The following ASPH variants were observed in gnomAD, a reference collection of about 807,000 sequenced individuals.
ASPH encodes the protein aspartyl/asparaginyl beta-hydroxylase.
ASPH carries 100 observed loss-of-function variants against 118.4 expected under a neutral mutation model. The observed-to-expected ratio is 0.84, with a 90% CI of 0.72 to 1.00. The LOEUF (loss-of-function observed/expected upper bound fraction) is 1.00. Ranked by LOEUF, ASPH falls within the 50% of genes least tolerant of loss-of-function variation. The probability of loss-of-function intolerance (pLI) is 0.00; values close to 1 mark genes in which losing one functional copy is unlikely to be tolerated. For synonymous variants in ASPH, 315 were observed against 325.6 expected (o/e 0.97, Z 0.35); for missense variants, 920 against 919.5 (o/e 1.00, Z -0.01).
At chr8:61,620,810 G>A (rs1850647327) in intron 13 of ASPH, among the ~76,000 whole-genome samples, 1 of 152,224 alleles carries the variant, frequency 6.6e-6, no homozygotes, top group African/African-American at 2.4e-5. Flanking sequence ...AGCGTAAAAT[G>A]CAAGTTTCTA....
chr8:61,692,576 T>C (rs1024696656), intron 1 of ASPH, among the ~76,000 whole-genome samples: 4 of 152,146 alleles, frequency 2.6e-5, no homozygotes, highest in African/African-American at 9.7e-5. Context: ...TCGAGGGTTC[T>C]ACCTCCCTCC....
intron 3 of ASPH, chr8:61,668,207 A>T: frequency 6.3e-7 from 1 of 1,584,722 alleles, no homozygotes; most frequent in Non-Finnish European, 8.6e-7. Context: ...TGATTCACTC[A>T]AGGCTAATTT....
intron 1 of ASPH, chr8:61,689,857 T>G (rs1167912091): frequency 2.9e-6 from 4 of 1,376,432 alleles, no homozygotes; most frequent in African/African-American, 1.5e-5. Context: ...AAATTGGACC[T>G]GACTACAAAC....
intron 17 of ASPH, 48 bp downstream of exon 17, chr8:61,567,120 A>AT: frequency 6.3e-7 from 1 of 1,595,118 alleles, no homozygotes. Flanking sequence ...CTTCTTCAAG[A>AT]TAAAACATAT....
rs1806828149 is a variant in ASPH at position 61,644,452 on chromosome 8, T to A, written c.652+148A>T. On this transcript the variant is annotated intron_variant, in intron 7 of 24. Transcript: ENST00000379454. Reference sequence around the variant, plus strand: ...AAAGTATATTCACAAAGAAATACCATAAATATAAGACGTAATAAAATTATT... The same window carrying A: ...AAAGTATATTCACAAAGAAATACCAAAAATATAAGACGTAATAAAATTATT... 5.0e-6 allele frequency: 3 copies of A among 599,062 alleles called. No homozygotes were observed. In the South Asian group the frequency reaches 1.7e-4, roughly 33 times the overall value. 37.1% of individuals were successfully genotyped at this position (599,062 alleles called of 1,614,324 possible). A position where few individuals can be genotyped will look rare whatever the true frequency, so the allele number is the denominator to read the frequency against.
intron 24 of ASPH, among the ~76,000 whole-genome samples, chr8:61,510,828 G>A (rs1472206489): frequency 1.3e-5 from 2 of 152,160 alleles, no homozygotes; most frequent in African/African-American, 4.8e-5. Flanking sequence ...GTCCTAGATG[G>A]GCAGGCTTCA....
At chr8:61,590,550 CTGTGTGTGTGTG>C (rs5891814) in intron 14 of ASPH, among the ~76,000 whole-genome samples, 3 of 146,696 alleles carry the variant, frequency 2.0e-5, no homozygotes, top group Non-Finnish European at 4.5e-5. Context: ...TAATTTAACT[CTGTGTGTGTGTG>C]TGTGTGTGTG....
At chr8:61,540,654 T>G (rs1365214155) in intron 21 of ASPH, among the ~76,000 whole-genome samples, 1 of 152,222 alleles carries the variant, frequency 6.6e-6, no homozygotes, top group African/African-American at 2.4e-5. Context: ...TTCAGTTTAA[T>G]GCTAACATAA....
rs1804788409 is a variant in ASPH, at chr8:61,500,972, T to G, written c.*2387A>C. On this transcript the variant is annotated 3_prime_UTR_variant, in exon 25 of 25. Coordinates refer to ENST00000379454, the MANE Select transcript of ASPH (RefSeq NM_004318.4). ...TCTCTTTCTCAATGGATCTAATGTT[T>G]TAATTTTTTCCCCTATTGGTAGAGA... 1 of 152,218 alleles carries G rather than the reference T, an allele frequency of 6.6e-6. No individual in the cohort carries two copies. The highest frequency in any genetic ancestry group is 1.5e-5 in the Non-Finnish European group (1 of 68,036). The allele number at this position is 152,218 out of a possible 1,614,324, so 9.4% of individuals were successfully genotyped here.
chr8:61,531,221 T>C (rs1303227050), intron 21 of ASPH, among the ~76,000 whole-genome samples: 1 of 152,240 alleles, frequency 6.6e-6, no homozygotes, highest in Non-Finnish European at 1.5e-5. Context: ...ACATTATAAA[T>C]TGATTACTTT....
In ASPH at chr8:61,525,972, C is replaced by G. The variant is rs370641928; in HGVS notation, c.1900+5G>C. On this transcript the variant is annotated splice_donor_5th_base_variant and intron_variant, in intron 22 of 24. Transcript: ENST00000379454. ...CAGAGAACCATCTAGAAGTCAGAAA[C>G]TCACCTTGCTGCCACAGCGTGAACT... is the stretch of plus-strand genomic sequence containing the variant. 1.5e-4 allele frequency: 240 copies of G among 1,613,546 alleles called. No individual in the cohort carries two copies. The highest frequency in any genetic ancestry group is 1.9e-4 in the Non-Finnish European group (223 of 1,179,866).
rs189810797 is a variant in ASPH at position 61,578,431 on chromosome 8, G to T, written c.1063-1573C>A. 2.2e-4 allele frequency: 347 copies of T among 1,602,284 alleles called. No individual in the cohort carries two copies. In the African/African-American group the frequency reaches 4.2e-3, roughly 19 times the overall value. On this transcript the variant is annotated intron_variant, in intron 15 of 24. Transcript: ENST00000379454. ...ATCACCGCAGTCATGGTCAACCAGA[G>T]CCTACTGAGCCCCCTTGTCCTGGAG...
chr8:61,638,699 C>T (rs549099144), intron 10 of ASPH, among the ~76,000 whole-genome samples: 1 of 152,334 alleles, frequency 6.6e-6, no homozygotes, highest in African/African-American at 2.4e-5. Flanking sequence ...AGATTCCCTG[C>T]TTTGTTTAGG....
chr8:61,608,170 T>C (rs1846159421), intron 14 of ASPH, among the ~76,000 whole-genome samples: 1 of 152,196 alleles, frequency 6.6e-6, no homozygotes, highest in South Asian at 2.1e-4. Flanking sequence ...TTGATAAAAA[T>C]CTTGTTCTTT....
At chr8:61,608,232 T>C (rs556382827) in intron 14 of ASPH, among the ~76,000 whole-genome samples, 2 of 152,348 alleles carry the variant, frequency 1.3e-5, no homozygotes, top group African/African-American at 4.8e-5. Flanking sequence ...TTGTTAAAAG[T>C]AGTCTTTTAG....
chr8:61,526,009 C>G lies in ASPH; in HGVS notation c.1868G>C (p.Gly623Ala), dbSNP rs527807260. 1.9e-6 allele frequency: 3 copies of G among 1,613,970 alleles called. No homozygotes were observed. Among genetic ancestry groups the G allele is most frequent in the South Asian group, 2.2e-5 (2 of 91,074 alleles). Residue 623 changes from glycine to alanine, a missense_variant, in exon 22 of 25, where the codon GGG (glycine) becomes GCG (alanine). Coordinates refer to ENST00000379454, the MANE Select transcript of ASPH (RefSeq NM_004318.4). ...CCACAGCGTGAACTGGCTCCAGTCC[C>G]CTTTTTCCCTCAGGTTTTCATCCTC... ...LPEDENLREK[G>A]DWSQFTLWQQ...
intron 14 of ASPH, among the ~76,000 whole-genome samples, chr8:61,604,530 T>C (rs1845017648): frequency 6.6e-6 from 1 of 152,236 alleles, no homozygotes; most frequent in African/African-American, 2.4e-5. Flanking sequence ...CGATCATGTT[T>C]TTTAACATAA....
At chr8:61,667,328 C>T (rs149197932) in intron 3 of ASPH, among the ~76,000 whole-genome samples, 169 of 152,186 alleles carry the variant, frequency 1.1e-3, no homozygotes, top group African/African-American at 3.9e-3. Flanking sequence ...TAATACTGAG[C>T]TGTTAGTCTA....
At chr8:61,695,007 C>T (rs963468570) in intron 1 of ASPH, among the ~76,000 whole-genome samples, 4 of 152,190 alleles carry the variant, frequency 2.6e-5, no homozygotes, top group African/African-American at 4.8e-5. Flanking sequence ...CTGTTGCAAA[C>T]GGGTGATTAC....
Sources: allele counts gnomAD v4.1 joint callset (sites outside exome capture counted in the v4.1 genomes callset), GRCh38; gene constraint gnomAD v4.1.1; transcripts MANE v1.5; gene names NCBI Gene and HGNC (gene_info 2026-07-23, HGNC 2026-07-21).